The following MME variants were observed in gnomAD, a reference collection of about 807,000 sequenced individuals.
MME encodes the protein neprilysin.
A neutral mutation model predicts 113.2 loss-of-function variants in MME; 98 were observed. The ratio of observed to expected loss-of-function variants is 0.87; its 90% confidence interval spans 0.74 to 1.02. MME has a LOEUF of 1.02. Among genes scored for constraint, MME ranks in the 50% least tolerant of loss-of-function variants. The probability of loss-of-function intolerance (pLI) is 0.00; values close to 1 mark genes in which losing one functional copy is unlikely to be tolerated. For missense variants in MME, 836 were observed against 896.0 expected (o/e 0.93, Z 0.86); for synonymous variants, 292 against 300.6 (o/e 0.97, Z 0.30).
intron 1 of MME, chr3:155,081,783 C>A (rs1426310132): frequency 6.6e-6 from 1 of 151,980 alleles, no homozygotes; most frequent in African/African-American, 2.4e-5. Context: ...GTGAACCTTC[C>A]AGAATTAACT....
chr3:155,099,876 TA>T (rs1717052698), intron 3 of MME, among the ~76,000 whole-genome samples: 1 of 152,214 alleles, frequency 6.6e-6, no homozygotes, highest in Admixed American at 6.5e-5. Flanking sequence ...CATGTGTCTT[TA>T]TAGCAGCATG....
chr3:155,093,011 G>A (rs531403596), intron 3 of MME, among the ~76,000 whole-genome samples: 5 of 151,214 alleles, frequency 3.3e-5, no homozygotes, highest in South Asian at 2.1e-4. Context: ...AAAATTAATC[G>A]GGTGAATTTT....
chr3:155,047,950 T>A (rs73874477), intron 1 of MME, among the ~76,000 whole-genome samples: 3,268 of 152,258 alleles, frequency 0.021, 114 homozygotes, highest in African/African-American at 0.069. Context: ...CATGGATTAG[T>A]ATGAGGGTGT....
At chr3:155,028,875 A>G (rs1011627901) in intron 1 of MME, among the ~76,000 whole-genome samples, 4 of 152,306 alleles carry the variant, frequency 2.6e-5, no homozygotes, top group African/African-American at 9.6e-5. Flanking sequence ...ACAAAGACTT[A>G]ATTTTAGTGT....
At chr3:155,049,671 C>CTATATA (rs60402470) in intron 1 of MME, among the ~76,000 whole-genome samples, 3 of 108,352 alleles carry the variant, frequency 2.8e-5, no homozygotes, top group African/African-American at 9.3e-5. Context: ...ATCTATCTAT[C>CTATATA]TATATATAGA....
At chr3:155,061,956 A>G (rs1044044132) in intron 1 of MME, among the ~76,000 whole-genome samples, 1 of 152,156 alleles carries the variant, frequency 6.6e-6, no homozygotes, top group African/African-American at 2.4e-5. Context: ...CCACCGTGCC[A>G]GGCCAGTTGT....
At chr3:155,106,175 G>T (rs1192997209) in intron 3 of MME, among the ~76,000 whole-genome samples, 1 of 152,160 alleles carries the variant, frequency 6.6e-6, no homozygotes, top group East Asian at 1.9e-4. Flanking sequence ...ATATCTATTT[G>T]TGTAAGTCTG....
At chr3:155,124,250 G>T (rs1303359191) in intron 8 of MME, among the ~76,000 whole-genome samples, 5 of 152,024 alleles carry the variant, frequency 3.3e-5, no homozygotes, top group African/African-American at 1.2e-4. Context: ...TAGTTCTCAA[G>T]CCTTGGTTTT....
At chr3:155,061,880 C>T (rs1283192238) in intron 1 of MME, among the ~76,000 whole-genome samples, 1 of 152,040 alleles carries the variant, frequency 6.6e-6, no homozygotes, top group South Asian at 2.1e-4. Flanking sequence ...AGGCTGGTTT[C>T]GAACTCCTGG....
At chr3:155,173,448 C>T (rs1712199543) in intron 22 of MME, among the ~76,000 whole-genome samples, 1 of 151,982 alleles carries the variant, frequency 6.6e-6, no homozygotes, top group African/African-American at 2.4e-5. Context: ...AAGCATACTG[C>T]CCAGATCATT....
chr3:155,078,712 G>A (rs1714868320), upstream of MME, among the ~76,000 whole-genome samples: 1 of 150,316 alleles, frequency 6.7e-6, no homozygotes, highest in Non-Finnish European at 1.5e-5. Flanking sequence ...TGATTCAAAA[G>A]AGGAAAGGGA....
rs572062670 is a variant in MME, at chr3:155,182,976, C to T, written c.*2517C>T. On this transcript the variant is annotated 3_prime_UTR_variant, in exon 23 of 23. Coordinates refer to ENST00000360490, the MANE Select transcript of MME (RefSeq NM_007289.4). ...CATCAGATAAGACATATCTCTAATT[C>T]CATCCATAAATCCAGTTCTACTATG... 1 of 152,278 alleles carries T rather than the reference C, an allele frequency of 6.6e-6. No homozygotes were observed. Among genetic ancestry groups the T allele is most frequent in the East Asian group, 1.9e-4 (1 of 5,170 alleles). The allele number at this position is 152,278 out of a possible 1,614,324, so 9.4% of individuals were successfully genotyped here.
At chr3:155,130,649 T>C (rs574445851) in intron 8 of MME, among the ~76,000 whole-genome samples, 12 of 152,108 alleles carry the variant, frequency 7.9e-5, no homozygotes, top group Non-Finnish European at 1.5e-4. Context: ...CCAAATTATA[T>C]GTACCTGGGA....
chr3:155,136,605 C>T (rs555594950), intron 8 of MME, among the ~76,000 whole-genome samples: 1 of 152,256 alleles, frequency 6.6e-6, no homozygotes, highest in Non-Finnish European at 1.5e-5. Flanking sequence ...ATATAAACCT[C>T]TGGACTTACA....
At chr3:155,097,352 A>G (rs568668140) in intron 3 of MME, among the ~76,000 whole-genome samples, 23 of 152,216 alleles carry the variant, frequency 1.5e-4, no homozygotes, top group Non-Finnish European at 2.6e-4. Flanking sequence ...AAGAAACTCC[A>G]AAAGAAACCG....
intron 8 of MME, among the ~76,000 whole-genome samples, chr3:155,128,680 C>CT (rs371467588): frequency 0.02 from 2,974 of 151,202 alleles, 84 homozygotes; most frequent in African/African-American, 0.067. Context: ...TATTTAATGT[C>CT]TTTTTTTTTC....
intron 22 of MME, among the ~76,000 whole-genome samples, chr3:155,174,413 A>G (rs1409213499): frequency 6.7e-6 from 1 of 148,168 alleles, no homozygotes; most frequent in Admixed American, 6.8e-5. Context: ...TGGAATGCCA[A>G]CCTTTTGTCA....
rs1411083351 is a variant in MME at position 155,180,990 on chromosome 3, AC to A, written c.*532del. On this transcript the variant is annotated 3_prime_UTR_variant, in exon 23 of 23. Coordinates refer to ENST00000360490, the MANE Select transcript of MME (RefSeq NM_007289.4). ...GGCCTTGGAGCTTACATAGTTTTAA[AC>A]TCATTTTTGCCATACATCAGTTATT... 6.4e-6 allele frequency: 1 copy of A among 156,370 alleles called. No homozygotes were observed. The highest frequency in any genetic ancestry group is 2.4e-5 in the African/African-American group (1 of 41,410). The allele number at this position is 156,370 out of a possible 1,614,324, so 9.7% of individuals were successfully genotyped here.
At chr3:155,154,245 C>A (rs1463132245) in intron 16 of MME, among the ~76,000 whole-genome samples, 2 of 150,256 alleles carry the variant, frequency 1.3e-5, no homozygotes, top group African/African-American at 5.0e-5. Context: ...ATAAGTGGAA[C>A]CCCTAAAGCT....
Sources: gnomAD v4.1 joint callset for allele counts (sites outside exome capture counted in the v4.1 genomes callset) on GRCh38, gnomAD v4.1.1 for gene constraint, MANE v1.5 for transcripts, NCBI Gene and HGNC (gene_info 2026-07-23, HGNC 2026-07-21) for gene names.